The following MED13L variants were observed in gnomAD, a reference collection of about 807,000 sequenced individuals.
MED13L encodes the protein mediator of RNA polymerase II transcription subunit 13-like.
MED13L carries 7 observed loss-of-function variants against 220.9 expected under a neutral mutation model. The observed-to-expected ratio is 0.03, with a 90% CI of 0.02 to 0.06. MED13L has a LOEUF of 0.06. Among genes scored for constraint, MED13L ranks in the 10% least tolerant of loss-of-function variants. The pLI, the probability that MED13L is intolerant of heterozygous loss-of-function variation, is 1.00. For synonymous variants in MED13L, 1,011 were observed against 1,015.2 expected, an observed-to-expected ratio of 1.00 and a Z score of 0.08; for missense variants, 1,965 against 2,760.5, an observed-to-expected ratio of 0.71 and a Z score of 6.46.
chr12:116,241,187 C>G (rs1870605074), intron 1 of MED13L, among the ~76,000 whole-genome samples: 1 of 151,656 alleles, frequency 6.6e-6, no homozygotes, highest in Admixed American at 6.6e-5. Context: ...CACCTGTAAT[C>G]CCAGCTACTT....
intron 2 of MED13L, among the ~76,000 whole-genome samples, chr12:116,226,911 G>T (rs1869063555): frequency 1.3e-5 from 2 of 149,556 alleles, no homozygotes; most frequent in African/African-American, 4.9e-5. Context: ...CACTATCTGG[G>T]TTTTTTAAGA....
chr12:116,124,266 C>T (rs965929711), intron 2 of MED13L, among the ~76,000 whole-genome samples: 1 of 151,962 alleles, frequency 6.6e-6, no homozygotes, highest in African/African-American at 2.4e-5. Context: ...TCCTTGAGAC[C>T]TGATGGGTAC....
chr12:116,029,421 G>GA (rs1185293911), intron 4 of MED13L, among the ~76,000 whole-genome samples: 1 of 151,874 alleles, frequency 6.6e-6, no homozygotes, highest in Admixed American at 6.6e-5. Flanking sequence ...CTGTGCAAAT[G>GA]AAAAAAACTA....
At chr12:116,202,058 C>T (rs574679390) in intron 2 of MED13L, among the ~76,000 whole-genome samples, 1 of 152,290 alleles carries the variant, frequency 6.6e-6, no homozygotes, top group East Asian at 1.9e-4. Flanking sequence ...AAGTCACATT[C>T]CTAGAAGACA....
chr12:116,193,903 T>C (rs1881447475), intron 2 of MED13L, among the ~76,000 whole-genome samples: 1 of 152,168 alleles, frequency 6.6e-6, no homozygotes, highest in Admixed American at 6.5e-5. Context: ...GAGAAGCTAG[T>C]CAAAGATTAA....
chr12:116,180,921 T>A (rs536680065), intron 2 of MED13L, among the ~76,000 whole-genome samples: 1 of 145,552 alleles, frequency 6.9e-6, no homozygotes, highest in African/African-American at 2.5e-5. Context: ...AATGAGTTAT[T>A]TCTCTCTCTC....
Position 115,961,383 on chromosome 12 carries a change from C to T in MED13L, c.6516G>A (p.Gln2172=). 6.2e-7 allele frequency: 1 copy of T among 1,613,848 alleles called. No homozygotes were observed. ...ACGTGAGCCAGGACAGAGCGTTGTA[C>T]TGCTCCAAAACAAACCTGCCAAAGA... The part of the protein sequence containing the change: ...TSDVLRFVLE[Q]YNALSWLTCN... Residue 2172 remains glutamine (Q), a synonymous_variant, in exon 31 of 31, where the codon CAG becomes CAA. Coordinates refer to ENST00000281928, the MANE Select transcript of MED13L (RefSeq NM_015335.5).
At chr12:116,233,697 T>A (rs1026345916) in intron 2 of MED13L, among the ~76,000 whole-genome samples, 2 of 152,134 alleles carry the variant, frequency 1.3e-5, no homozygotes, top group African/African-American at 4.8e-5. Flanking sequence ...ATAACCTAAT[T>A]CACAGTGAGA....
At position 115,959,353 on chromosome 12, in the gene MED13L, G is replaced by A. The variant is rs1260273576; in HGVS notation, c.*1913C>T. The stretch of plus-strand genomic sequence containing the variant: ...TTTCTGCTTAGAATTGGGTTTCTAG[G>A]GAAGAAAAGCCCCTGCATTAAAAAC... On this transcript the variant is annotated 3_prime_UTR_variant, in exon 31 of 31. Coordinates refer to ENST00000281928, the MANE Select transcript of MED13L (RefSeq NM_015335.5). 1 of 150,148 alleles carries A rather than the reference G, an allele frequency of 6.7e-6. No individual in the cohort carries two copies. Among genetic ancestry groups the A allele is most frequent in the Admixed American group, 6.7e-5 (1 of 15,022 alleles). The allele number at this position is 150,148 out of a possible 1,614,324, so 9.3% of individuals were successfully genotyped here.
Position 116,232,517 on chromosome 12 carries a change from C to G in MED13L, c.310+4951G>C, listed in dbSNP as rs757489001. Among the ~76,000 whole-genome samples the G allele has an allele frequency of 5.9e-5, 9 of 152,202 alleles. 1 individual carries two copies. The highest frequency in any genetic ancestry group is 8.8e-5 in the Non-Finnish European group (6 of 68,032). On this transcript the variant is annotated intron_variant, in intron 2 of 30. Transcript: ENST00000281928. ...ATTATCAAATCATTAAAAATTTTCA[C>G]AAATTTATTATAAGTCAATCTGCCG... is the stretch of plus-strand genomic sequence containing the variant.
intron 2 of MED13L, among the ~76,000 whole-genome samples, chr12:116,149,687 G>C (rs947574695): frequency 6.6e-6 from 1 of 152,108 alleles, no homozygotes; most frequent in Admixed American, 6.5e-5. Flanking sequence ...AAGTAAACAG[G>C]GAGATTAAGG....
At chr12:116,246,181 G>A (rs1273277648) in intron 1 of MED13L, among the ~76,000 whole-genome samples, 2 of 149,086 alleles carry the variant, frequency 1.3e-5, no homozygotes. Flanking sequence ...TCAAATATGT[G>A]AGAATAAACG....
chr12:116,181,650 T>A (rs956941370), intron 2 of MED13L, among the ~76,000 whole-genome samples: 3 of 152,018 alleles, frequency 2.0e-5, no homozygotes, highest in Non-Finnish European at 4.4e-5. Context: ...TGGGGTTACA[T>A]GCCACCATGC....
chr12:116,249,548 G>A (rs1057009941), intron 1 of MED13L, among the ~76,000 whole-genome samples: 5 of 151,958 alleles, frequency 3.3e-5, no homozygotes, highest in Admixed American at 6.6e-5. Flanking sequence ...TGAAAGTAAT[G>A]ATGAAATTAA....
At chr12:116,011,553 C>T (rs1030329471) in intron 9 of MED13L, among the ~76,000 whole-genome samples, 3 of 152,108 alleles carry the variant, frequency 2.0e-5, no homozygotes, top group South Asian at 4.1e-4. Flanking sequence ...GTGCTAAAGG[C>T]GGGCCTTAAC....
At position 116,026,958 on chromosome 12, in the gene MED13L, G is replaced by A. The variant is rs1033641207; in HGVS notation, c.480-4357C>T. On this transcript the variant is annotated intron_variant, in intron 4 of 30. Coordinates refer to ENST00000281928, the MANE Select transcript of MED13L (RefSeq NM_015335.5). ...AAAAGGAAATGATCACACTGATACG[G>A]AAACACCTCCAACAAGGACTATTAT... Among the ~76,000 whole-genome samples the A allele has an allele frequency of 2.6e-5, 4 of 152,166 alleles. No individual in the cohort carries two copies. In the South Asian group the frequency reaches 6.2e-4, roughly 24 times the overall value.
intron 2 of MED13L, among the ~76,000 whole-genome samples, chr12:116,184,414 T>A (rs1006172034): frequency 6.6e-6 from 1 of 152,140 alleles, no homozygotes; most frequent in Non-Finnish European, 1.5e-5. Context: ...AAGAGAGGGA[T>A]GTGTTTAGCT....
At chr12:115,998,152 C>T (rs577734489) in intron 14 of MED13L, among the ~76,000 whole-genome samples, 1 of 152,110 alleles carries the variant, frequency 6.6e-6, no homozygotes, top group African/African-American at 2.4e-5. Flanking sequence ...CTTTAATACA[C>T]CTGTAGTAAA....
intron 3 of MED13L, among the ~76,000 whole-genome samples, chr12:116,102,068 T>C (rs888469230): frequency 2.0e-5 from 3 of 152,180 alleles, no homozygotes; most frequent in Non-Finnish European, 2.9e-5. Context: ...TTATTTCTGT[T>C]CCCAACCCCC....
Sources: allele counts gnomAD v4.1 joint callset (sites outside exome capture counted in the v4.1 genomes callset), GRCh38; gene constraint gnomAD v4.1.1; transcripts MANE v1.5; gene names NCBI Gene and HGNC (gene_info 2026-07-23, HGNC 2026-07-21).